Variants in PLEKHA4 observed in about 807,000 individuals in gnomAD.
The protein encoded by PLEKHA4 is pleckstrin homology domain-containing family A member 4.
PLEKHA4 carries 73 observed loss-of-function variants against 94.7 expected under a neutral mutation model. That is an observed-to-expected ratio of 0.77 (90% CI 0.64 to 0.94). PLEKHA4 has a LOEUF of 0.94. Among genes scored for constraint, PLEKHA4 ranks in the 40% least tolerant of loss-of-function variants. The pLI is 0.00. For synonymous variants in PLEKHA4, 449 were observed against 437.1 expected (o/e 1.03, Z -0.34); for missense variants, 1,049 against 1,054.1 (o/e 1.00, Z 0.07).
chr19:48,857,458 C>T lies in PLEKHA4; in HGVS notation c.1011G>A (p.Pro337=), dbSNP rs774684610. ...TGGAGGCCCGGGTCCCAGGGGGCCG[C>T]GGGGGGAGCTGGAGATAAGTGGGGG... ...SGSPTYLQLP[P]RPPGTRASMV... Residue 337 remains proline (P), a synonymous_variant, in exon 9 of 20, where the codon CCG becomes CCA. Coordinates refer to ENST00000263265, the MANE Select transcript of PLEKHA4 (RefSeq NM_020904.3). The T allele has an allele frequency of 1.0e-5, 16 of 1,563,872 alleles. No individual in the cohort carries two copies. The highest frequency in any genetic ancestry group is 4.2e-5 in the African/African-American group (3 of 71,292).
intron 2 of PLEKHA4, among the ~76,000 whole-genome samples, chr19:48,865,826 A>G (rs575826069): frequency 8.8e-4 from 134 of 152,074 alleles, no homozygotes; most frequent in Non-Finnish European, 1.6e-3. Flanking sequence ...CATCCTGGCT[A>G]ACACGGTGAA....
intron 5 of PLEKHA4, 61 bp from the exon 6 acceptor site, chr19:48,860,520 G>A (rs2036594985): frequency 7.6e-7 from 1 of 1,322,974 alleles, no homozygotes; most frequent in Non-Finnish European, 1.1e-6. Flanking sequence ...AGGACAGGCC[G>A]GACCGGTGAC....
chr19:48,862,802 C>T (rs966965840), intron 3 of PLEKHA4, among the ~76,000 whole-genome samples: 4 of 152,144 alleles, frequency 2.6e-5, no homozygotes, highest in Admixed American at 6.6e-5. Context: ...CGTGAGCCAC[C>T]GCACCCAGCC....
chr19:48,857,353 G>A, intron 9 of PLEKHA4, 69 bp downstream of exon 9: 1 of 692,810 alleles, frequency 1.4e-6, no homozygotes, highest in Non-Finnish European at 2.5e-6. Context: ...GCCAAGAGAT[G>A]ACATTCCTCA....
At position 48,837,636 on chromosome 19, in the gene PLEKHA4, A is replaced by G; in HGVS notation, c.2078-85T>C. The G allele has an allele frequency of 6.6e-7, 1 of 1,509,960 alleles. No individual in the cohort carries two copies. Among genetic ancestry groups the G allele is most frequent in the Non-Finnish European group, 9.0e-7 (1 of 1,107,506 alleles). The allele number at this position is 1,509,960 out of a possible 1,614,324, so 93.5% of individuals were successfully genotyped here. A position where few individuals can be genotyped will look rare whatever the true frequency, so the allele number is the denominator to read the frequency against. ...CAGCCCCTCCTCCCTCAGACCCAGGACTCCGGATTCCCAGCCCCTCCTCCA... is the reference window on the plus strand; with the variant it reads ...CAGCCCCTCCTCCCTCAGACCCAGGGCTCCGGATTCCCAGCCCCTCCTCCA... On this transcript the variant is annotated intron_variant, in intron 19 of 19. Transcript: ENST00000263265. The surrounding 1 kb of genome is among the most constrained non-coding windows in gnomAD (Gnocchi z 4.3).
Position 48,854,106 on chromosome 19 carries a change from G to T in PLEKHA4, c.1096-19C>A. ...GCAGCGTCTGGAGAAAGGAGAGCGG[G>T]AGCTACTGATGGTCCAGATCTGGCT... On this transcript the variant is annotated intron_variant, in intron 10 of 19. Transcript: ENST00000263265. The T allele has an allele frequency of 1.2e-6, 2 of 1,614,120 alleles. No individual in the cohort carries two copies. Among genetic ancestry groups the T allele is most frequent in the Non-Finnish European group, 1.7e-6 (2 of 1,179,998 alleles).
intron 6 of PLEKHA4, 91 bp downstream of exon 6, chr19:48,860,259 T>C: frequency 9.0e-7 from 1 of 1,112,262 alleles, no homozygotes. Context: ...GATTGGACAC[T>C]CAAGGGGGCA....
At chr19:48,843,301 C>T (rs1420412521) in intron 16 of PLEKHA4, among the ~76,000 whole-genome samples, 3 of 152,028 alleles carry the variant, frequency 2.0e-5, no homozygotes, top group Non-Finnish European at 4.4e-5. Flanking sequence ...GCCTCAGCCT[C>T]CCGAGTAGCT....
chr19:48,859,022 G>A lies in PLEKHA4; in HGVS notation c.810C>T (p.His270=), dbSNP rs976379619. ...SGDTAPPARP[H]TPLSRIDVRP... ...GGACATCAATGCGACTCAACGGGGT[G>A]TGAGGTCGGGCAGGGGGTGCTGTGT... The change falls in exon 8 of 20, where the codon CAC becomes CAT. Residue 270 remains histidine (H), a synonymous_variant. Transcript: ENST00000263265. 6.4e-7 allele frequency: 1 copy of A among 1,569,656 alleles called. No individual in the cohort carries two copies. The highest frequency in any genetic ancestry group is 8.6e-7 in the Non-Finnish European group (1 of 1,163,680).
At chr19:48,862,172 A>C (rs1285391987) in intron 3 of PLEKHA4, among the ~76,000 whole-genome samples, 2 of 151,430 alleles carry the variant, frequency 1.3e-5, no homozygotes, top group Admixed American at 6.6e-5. Context: ...GATAGAATAG[A>C]ATAGTAGCCC....
Position 48,867,595 on chromosome 19 carries a change from C to T in PLEKHA4, c.26G>A (p.Ser9Asn). The change falls in exon 2 of 20, where the codon AGC becomes AAC. Residue 9 changes from serine to asparagine, a missense_variant. Ser to Asn is a conservative substitution (Grantham distance 46). Transcript: ENST00000263265. The surrounding 1 kb of genome is among the most constrained non-coding windows in gnomAD (Gnocchi z 4.7). ...GGAGGCGCTGCTGGCCAGGCTCAGG[C>T]TGCTGCGAGGTCGGCTCCCCTCCAT... MEGSRPRS[S>N]LSLASSASTI... 6.2e-7 allele frequency: 1 copy of T among 1,600,772 alleles called. No homozygotes were observed. The highest frequency in any genetic ancestry group is 8.5e-7 in the Non-Finnish European group (1 of 1,175,702).
Position 48,837,963 on chromosome 19 carries a change from TCTCCAG to T in PLEKHA4, c.2077+48_2077+53del. On this transcript the variant is annotated intron_variant, in intron 19 of 19. Coordinates refer to ENST00000263265, the MANE Select transcript of PLEKHA4 (RefSeq NM_020904.3). The surrounding 1 kb of genome is among the most constrained non-coding windows in gnomAD (Gnocchi z 4.3). ...CCTCTCCAGGACCTGGGATTCCAGG[TCTCCAG>T]CTCTCTCCTCCCTAAAACCCAGAAG... is the stretch of plus-strand genomic sequence containing the variant. 1 of 1,422,538 alleles carries T rather than the reference TCTCCAG, an allele frequency of 7.0e-7. No homozygotes were observed. The allele number at this position is 1,422,538 out of a possible 1,614,324, so 88.1% of individuals were successfully genotyped here. A position where few individuals can be genotyped will look rare whatever the true frequency, so the allele number is the denominator to read the frequency against.
At chr19:48,855,960 G>A (rs1249938116) in intron 9 of PLEKHA4, among the ~76,000 whole-genome samples, 5 of 149,318 alleles carry the variant, frequency 3.3e-5, no homozygotes, top group Non-Finnish European at 7.4e-5. Flanking sequence ...ATCACCTGAG[G>A]TCGGGAGTTC....
At chr19:48,862,703 C>T (rs557674175) in intron 3 of PLEKHA4, among the ~76,000 whole-genome samples, 7 of 151,704 alleles carry the variant, frequency 4.6e-5, no homozygotes, top group East Asian at 3.9e-4. Context: ...TTAGTAGAGA[C>T]GGGGTTTCAC....
chr19:48,851,404 G>A (rs1032702345), intron 13 of PLEKHA4, among the ~76,000 whole-genome samples: 2 of 152,000 alleles, frequency 1.3e-5, no homozygotes, highest in African/African-American at 2.4e-5. Flanking sequence ...ATCACCTGAG[G>A]TCGGGAATTC....
At chr19:48,844,120 TTATTATTA>T (rs914092181) in intron 16 of PLEKHA4, among the ~76,000 whole-genome samples, 3 of 6,208 alleles carry the variant, frequency 4.8e-4, no homozygotes, top group African/African-American at 2.2e-3. Context: ...CTTATTTATT[TTATTATTA>T]TTATTATTAT....
At position 48,837,421 on chromosome 19, in the gene PLEKHA4, G is replaced by C. The variant is rs761203581; in HGVS notation, c.2208C>G (p.Arg736=). Residue 736 remains arginine (R), a synonymous_variant, in exon 20 of 20, where the codon CGC becomes CGG. Coordinates refer to ENST00000263265, the MANE Select transcript of PLEKHA4 (RefSeq NM_020904.3). The surrounding 1 kb of genome is among the most constrained non-coding windows in gnomAD (Gnocchi z 4.3). ...VANSGSTGFS[R]RGSGRGGGPT... ...GACCTCCTCCACGCCCACTCCCTCG[G>C]CGAGAGAACCCCGTGGAACCCGAAT... 6.2e-7 allele frequency: 1 copy of C among 1,613,398 alleles called. No homozygotes were observed. Among genetic ancestry groups the C allele is most frequent in the Non-Finnish European group, 8.5e-7 (1 of 1,179,796 alleles).
chr19:48,850,241 C>G (rs1395601078), intron 13 of PLEKHA4, among the ~76,000 whole-genome samples: 1 of 151,668 alleles, frequency 6.6e-6, no homozygotes, highest in Non-Finnish European at 1.5e-5. Context: ...CGCCGTGACT[C>G]ACGCCTGTAA....
chr19:48,859,008 C>A lies in PLEKHA4; in HGVS notation c.824G>T (p.Arg275Leu). The A allele has an allele frequency of 6.4e-7, 1 of 1,565,798 alleles. No homozygotes were observed. Among genetic ancestry groups the A allele is most frequent in the African/African-American group, 1.4e-5 (1 of 69,988 alleles). Reference protein sequence around the residue: ...PPARPHTPLSRIDVRPPLDWG... With the variant: ...PPARPHTPLSLIDVRPPLDWG... ...ATCCAGAGGAGGTCGGACATCAATG[C>A]GACTCAACGGGGTGTGAGGTCGGGC... is the stretch of plus-strand genomic sequence containing the variant. Residue 275 changes from arginine to leucine, a missense_variant, in exon 8 of 20, where the codon CGC becomes CTC. Coordinates refer to ENST00000263265, the MANE Select transcript of PLEKHA4 (RefSeq NM_020904.3).
Sources: allele counts gnomAD v4.1 joint callset (sites outside exome capture counted in the v4.1 genomes callset), GRCh38; gene constraint gnomAD v4.1.1; non-coding constraint Gnocchi (gnomAD v3.1); transcripts MANE v1.5; gene names NCBI Gene and HGNC (gene_info 2026-07-23, HGNC 2026-07-21).